STK39: variants seen among roughly 807,000 people sequenced by gnomAD.
The protein encoded by STK39 is serine/threonine kinase 39, also known as STE20/SPS1-related proline-alanine-rich protein kinase.
Under a neutral mutation model 77.8 loss-of-function variants are expected in STK39, and 20 were observed. The ratio of observed to expected loss-of-function variants is 0.26; its 90% confidence interval spans 0.18 to 0.37. STK39 has a LOEUF of 0.37. Ranked by LOEUF, STK39 falls within the 10% of genes least tolerant of loss-of-function variation. The probability of loss-of-function intolerance (pLI) is 1.00; values close to 1 mark genes in which losing one functional copy is unlikely to be tolerated. For synonymous variants in STK39, 246 were observed against 234.1 expected, an observed-to-expected ratio of 1.05 and a Z score of -0.47; for missense variants, 479 against 656.5, an observed-to-expected ratio of 0.73 and a Z score of 2.95.
At chr2:168,007,255 T>C (rs571575664) in intron 16 of STK39, among the ~76,000 whole-genome samples, 72 of 152,226 alleles carry the variant, frequency 4.7e-4, no homozygotes, top group Non-Finnish European at 9.6e-4. Flanking sequence ...TGCAAACACT[T>C]TGAATTTTGC....
At chr2:168,100,023 A>G (rs1046494849) in intron 10 of STK39, among the ~76,000 whole-genome samples, 4 of 152,210 alleles carry the variant, frequency 2.6e-5, no homozygotes, top group East Asian at 3.8e-4. Context: ...GGGGAAAAAA[A>G]GGAAAAAAGC....
chr2:167,975,967 C>T (rs1178081237), intron 16 of STK39, among the ~76,000 whole-genome samples: 1 of 152,196 alleles, frequency 6.6e-6, no homozygotes, highest in Non-Finnish European at 1.5e-5. Context: ...GAGGCATTTG[C>T]TGCAGTTCAA....
chr2:168,017,138 G>C, intron 14 of STK39, 43 bp from the exon 15 acceptor site: 1 of 1,395,060 alleles, frequency 7.2e-7, no homozygotes, highest in Non-Finnish European at 9.8e-7. Flanking sequence ...TAGGGAAGCA[G>C]AGTTTAGTCG....
At chr2:167,974,016 A>C (rs1187480145) in intron 16 of STK39, among the ~76,000 whole-genome samples, 11 of 152,176 alleles carry the variant, frequency 7.2e-5, no homozygotes, top group Non-Finnish European at 1.5e-4. Context: ...ATTTGTCTAT[A>C]AGGTTTTATT....
At chr2:168,227,562 C>T (rs1016206448) in intron 1 of STK39, among the ~76,000 whole-genome samples, 3 of 152,214 alleles carry the variant, frequency 2.0e-5, no homozygotes, top group Admixed American at 2.0e-4. Context: ...TACGAAGTCA[C>T]TATGAAATCC....
Position 168,228,038 on chromosome 2 carries a change from G to A in STK39, c.208+19190C>T, listed in dbSNP as rs115177363. ...TAGTATCTAGAAGACAAAAGGCAAA[G>A]TATAATAGATACTCCTAAGAAATCT... On this transcript the variant is annotated intron_variant, in intron 1 of 17. Coordinates refer to ENST00000355999, the MANE Select transcript of STK39 (RefSeq NM_013233.3). 5.7e-3 allele frequency among the ~76,000 whole-genome samples: 874 copies of A among 152,242 alleles called. 10 individuals carry two copies. Among genetic ancestry groups the A allele is most frequent in the African/African-American group, 0.02 (839 of 41,542 alleles).
chr2:168,192,900 C>T (rs1419227778), intron 1 of STK39, among the ~76,000 whole-genome samples: 1 of 152,182 alleles, frequency 6.6e-6, no homozygotes, highest in African/African-American at 2.4e-5. Context: ...TGCTCCCACT[C>T]AGCCCCAGCT....
At chr2:168,234,340 G>A (rs980382739) in intron 1 of STK39, among the ~76,000 whole-genome samples, 6 of 152,164 alleles carry the variant, frequency 3.9e-5, no homozygotes, top group East Asian at 3.8e-4. Flanking sequence ...TGTAACCGAA[G>A]GACTGTACCC....
intron 10 of STK39, among the ~76,000 whole-genome samples, chr2:168,089,679 T>C (rs1686465592): frequency 1.3e-5 from 2 of 152,230 alleles, no homozygotes; most frequent in Non-Finnish European, 2.9e-5. Flanking sequence ...AATGGCGCAA[T>C]CTCGGCTCAC....
rs200462146 is a variant in STK39, at chr2:168,163,884, A to C, written c.431-4T>G. On this transcript the variant is annotated splice_region_variant and splice_polypyrimidine_tract_variant and intron_variant, in intron 3 of 17. Coordinates refer to ENST00000355999, the MANE Select transcript of STK39 (RefSeq NM_013233.3). The stretch of plus-strand genomic sequence containing the variant: ...TTTATGATATCCAACATTGAACCTA[A>C]GTAGACAAACAGAAGAATTAAAACA... 1 of 1,612,368 alleles carries C rather than the reference A, an allele frequency of 6.2e-7. No individual in the cohort carries two copies. Among genetic ancestry groups the C allele is most frequent in the Non-Finnish European group, 8.5e-7 (1 of 1,179,394 alleles).
chr2:168,173,336 C>A (rs1444110923), intron 2 of STK39, among the ~76,000 whole-genome samples: 1 of 152,132 alleles, frequency 6.6e-6, no homozygotes, highest in African/African-American at 2.4e-5. Flanking sequence ...CCAGCATGCA[C>A]TTCTTTTAGC....
chr2:168,173,580 G>A lies in STK39; in HGVS notation c.322-6173C>T, dbSNP rs574378022. 6.4e-5 allele frequency among the ~76,000 whole-genome samples: 9 copies of A among 139,626 alleles called. No individual in the cohort carries two copies. In the East Asian group the frequency reaches 1.8e-3, roughly 28 times the overall value. 91.6% of individuals were successfully genotyped at this position (139,626 alleles called of 152,430 possible). A position where few individuals can be genotyped will look rare whatever the true frequency, so the allele number is the denominator to read the frequency against. ...ATATTTATTTATTCATTTTGAGATG[G>A]AGTTTTGCTCCTTGTTGCCCAGGCT... On this transcript the variant is annotated intron_variant, in intron 2 of 17. Coordinates refer to ENST00000355999, the MANE Select transcript of STK39 (RefSeq NM_013233.3).
chr2:168,153,559 T>G (rs890410976), intron 5 of STK39, among the ~76,000 whole-genome samples: 4 of 151,604 alleles, frequency 2.6e-5, no homozygotes, highest in African/African-American at 9.7e-5. Flanking sequence ...GGAGCACACC[T>G]TGAGAGAGCC....
intron 2 of STK39, among the ~76,000 whole-genome samples, chr2:168,176,328 A>T (rs890611239): frequency 8.1e-6 from 1 of 123,966 alleles, no homozygotes; most frequent in Non-Finnish European, 1.6e-5. Flanking sequence ...AAAGGAAGAG[A>T]AAAAAAAAAC....
chr2:168,057,649 A>G (rs771041246), intron 14 of STK39, among the ~76,000 whole-genome samples: 6 of 152,106 alleles, frequency 3.9e-5, no homozygotes, highest in Non-Finnish European at 5.9e-5. Context: ...ATCCTTCTGC[A>G]TTTCCCTAGA....
chr2:168,190,528 C>G (rs1007155918), intron 1 of STK39, among the ~76,000 whole-genome samples: 8 of 152,300 alleles, frequency 5.3e-5, no homozygotes, highest in Middle Eastern at 3.4e-3. Context: ...TTTTTAAAAA[C>G]TGAATCCACT....
intron 7 of STK39, 68 bp downstream of exon 7, chr2:168,140,221 G>A (rs1687945155): frequency 1.5e-6 from 2 of 1,302,412 alleles, no homozygotes; most frequent in Non-Finnish European, 1.1e-6. Context: ...AGATGTTGAA[G>A]AGAATTAGAA....
rs1247322600 is a variant in STK39 at position 168,242,555 on chromosome 2, AAAAAAATAT to A, written c.208+4664_208+4672del. Among the ~76,000 whole-genome samples, 23 of 57,762 alleles carry A rather than the reference AAAAAAATAT, an allele frequency of 4.0e-4. 1 individual carries two copies. The highest frequency in any genetic ancestry group is 1.7e-3 in the African/African-American group (23 of 13,498). The allele number at this position is 57,762 out of a possible 152,430, so 37.9% of individuals were successfully genotyped here. Reference sequence around the variant, plus strand: ...CAGAGCAAGACTCTTACAAAAAAAAAAAAAAATATATATATATATATATATATATATATA... The same window carrying A: ...CAGAGCAAGACTCTTACAAAAAAAAAATATATATATATATATATATATATA... On this transcript the variant is annotated intron_variant, in intron 1 of 17. Transcript: ENST00000355999.
At chr2:167,992,876 T>G (rs75953915) in intron 16 of STK39, among the ~76,000 whole-genome samples, 1 of 152,194 alleles carries the variant, frequency 6.6e-6, no homozygotes, top group African/African-American at 2.4e-5. Context: ...TAAACACATA[T>G]AGCATACATA....
Sources: gnomAD v4.1 joint callset for allele counts (sites outside exome capture counted in the v4.1 genomes callset) on GRCh38, gnomAD v4.1.1 for gene constraint, MANE v1.5 for transcripts, NCBI Gene and HGNC (gene_info 2026-07-23, HGNC 2026-07-21) for gene names.